The following HK1 variants were observed in gnomAD, a reference collection of about 807,000 sequenced individuals.
HK1 encodes the protein hexokinase 1.
In HK1, 28 loss-of-function variants were observed where a neutral mutation model predicts 91.6. The observed-to-expected ratio is 0.31, with a 90% CI of 0.23 to 0.42. The LOEUF is 0.42. HK1 is among the 10% of genes least tolerant of loss of function. HK1 has a pLI of 1.00. For synonymous variants in HK1, 430 were observed against 468.1 expected, an observed-to-expected ratio of 0.92 and a Z score of 1.05; for missense variants, 770 against 1,219.8, an observed-to-expected ratio of 0.63 and a Z score of 5.49.
chr10:69,399,259 C>T (rs1421677088), intron 17 of HK1, among the ~76,000 whole-genome samples: 1 of 152,158 alleles, frequency 6.6e-6, no homozygotes, highest in African/African-American at 2.4e-5. Context: ...ACCTGTAATC[C>T]AGCACTTTGG....
chr10:69,360,330 T>C (rs1849354918), intron 3 of HK1, among the ~76,000 whole-genome samples: 1 of 152,142 alleles, frequency 6.6e-6, no homozygotes, highest in South Asian at 2.1e-4. Flanking sequence ...CGCAGCTCTG[T>C]TGGGTAAATG....
chr10:69,358,151 A>G (rs1849224173), intron 2 of HK1, among the ~76,000 whole-genome samples: 1 of 152,122 alleles, frequency 6.6e-6, no homozygotes, highest in Admixed American at 6.5e-5. Context: ...GGTGGCCGTC[A>G]CCCCTGGCGT....
chr10:69,303,332 C>T (rs1845967594), intron 5 of HK1, among the ~76,000 whole-genome samples: 1 of 152,044 alleles, frequency 6.6e-6, no homozygotes, highest in African/African-American at 2.4e-5. Context: ...CATGTATTAT[C>T]TACGATTTTT....
chr10:69,346,601 G>A (rs1290321945), intron 2 of HK1, among the ~76,000 whole-genome samples: 4 of 151,520 alleles, frequency 2.6e-5, no homozygotes, highest in Non-Finnish European at 4.4e-5. Flanking sequence ...TGAACTCCTA[G>A]GCTCAGGCGA....
chr10:69,311,683 C>A (rs111385513), upstream of HK1, among the ~76,000 whole-genome samples: 7,291 of 152,186 alleles, frequency 0.048, 343 homozygotes, highest in African/African-American at 0.12. Context: ...GTTGCCCAGG[C>A]TGGAGTGTAG....
chr10:69,346,125 C>T (rs72807705), intron 2 of HK1, among the ~76,000 whole-genome samples: 5,394 of 152,238 alleles, frequency 0.035, 160 homozygotes, highest in African/African-American at 0.075. Flanking sequence ...TGCCTCTTGG[C>T]TCCTTTATCA....
intron 3 of HK1, among the ~76,000 whole-genome samples, chr10:69,291,526 A>G (rs2132463888): frequency 6.6e-6 from 1 of 152,278 alleles, no homozygotes; most frequent in African/African-American, 2.4e-5. Context: ...CAGATGGGGA[A>G]ACTGAGGCTT....
chr10:69,302,401 G>A (rs1218105590), intron 5 of HK1, among the ~76,000 whole-genome samples: 1 of 144,834 alleles, frequency 6.9e-6, no homozygotes, highest in Non-Finnish European at 1.5e-5. Flanking sequence ...TTGAGACAGA[G>A]TCTCACTCTG....
chr10:69,322,963 T>C (rs12262904), intron 1 of HK1, among the ~76,000 whole-genome samples: 9,231 of 142,864 alleles, frequency 0.065, 626 homozygotes, highest in African/African-American at 0.18. Context: ...TTGTGAAAAA[T>C]CTGGCTGGGC....
exon 4 of HK1, chr10:69,295,664 T>C (rs140328471): frequency 6.2e-7 from 1 of 1,605,812 alleles, no homozygotes; most frequent in Admixed American, 1.7e-5. Flanking sequence ...AAACTTCATC[T>C]ACTTGCTGAA....
At chr10:69,334,530 C>G (rs1046595833) in intron 1 of HK1, among the ~76,000 whole-genome samples, 2 of 152,150 alleles carry the variant, frequency 1.3e-5, no homozygotes, top group Admixed American at 6.5e-5. Flanking sequence ...AGGCCGCTGC[C>G]GGGGGAGAAG....
At chr10:69,338,595 G>A (rs75743765) in intron 1 of HK1, 103,762 of 1,289,326 alleles carry the variant, frequency 0.08, 4,807 homozygotes, top group Non-Finnish European at 0.092. Context: ...GGGATTCTTC[G>A]GGCACTGATG....
chr10:69,364,719 A>G (rs1363734004), intron 3 of HK1, 64 bp from the exon 4 acceptor site: 1 of 1,597,232 alleles, frequency 6.3e-7, no homozygotes, highest in Non-Finnish European at 8.6e-7. Flanking sequence ...GGAATGGTTT[A>G]TATTTTTCTA....
intron 1 of HK1, among the ~76,000 whole-genome samples, chr10:69,279,644 A>G (rs1469942287): frequency 6.6e-6 from 1 of 152,212 alleles, no homozygotes; most frequent in Non-Finnish European, 1.5e-5. Flanking sequence ...AGTACCCATA[A>G]CAAGCAATGA....
intron 15 of HK1, among the ~76,000 whole-genome samples, chr10:69,392,585 C>A (rs1839949113): frequency 6.6e-6 from 1 of 152,152 alleles, no homozygotes; most frequent in Non-Finnish European, 1.5e-5. Context: ...CTTCCGGTCC[C>A]CTTGCTGTGT....
intron 2 of HK1, among the ~76,000 whole-genome samples, chr10:69,347,123 C>T (rs1030080519): frequency 6.6e-6 from 1 of 151,898 alleles, no homozygotes; most frequent in Non-Finnish European, 1.5e-5. Flanking sequence ...ATCCTCCTGC[C>T]TTAGCACCCC....
At chr10:69,355,581 G>A (rs1195660723) in intron 2 of HK1, among the ~76,000 whole-genome samples, 8 of 152,156 alleles carry the variant, frequency 5.3e-5, no homozygotes, top group African/African-American at 1.9e-4. Context: ...CCTGAGGTCA[G>A]GAGTTTGAGA....
chr10:69,371,258 A>G (rs1332526861), intron 7 of HK1, among the ~76,000 whole-genome samples: 1 of 152,132 alleles, frequency 6.6e-6, no homozygotes, highest in Non-Finnish European at 1.5e-5. Context: ...CTGTGGTACC[A>G]GCTTGGTGAC....
rs926504128 is a variant in HK1 at position 69,401,667 on chromosome 10, A to G, written c.*532A>G. Reference sequence around the variant, plus strand: ...CCTGGCATCGCATCGTGGTGTGTCAATGCCACAAAATCGTGTGTCCGTGGA... The same window carrying G: ...CCTGGCATCGCATCGTGGTGTGTCAGTGCCACAAAATCGTGTGTCCGTGGA... On this transcript the variant is annotated 3_prime_UTR_variant, in exon 18 of 18. Coordinates refer to ENST00000359426, the MANE Select transcript of HK1 (RefSeq NM_000188.3). 5 of 326,004 alleles carry G rather than the reference A, an allele frequency of 1.5e-5. No individual in the cohort carries two copies. The highest frequency in any genetic ancestry group is 9.9e-5 in the East Asian group (1 of 10,060). 20.2% of individuals were successfully genotyped at this position (326,004 alleles called of 1,614,324 possible). A position where few individuals can be genotyped will look rare whatever the true frequency, so the allele number is the denominator to read the frequency against.
Sources: allele counts gnomAD v4.1 joint callset (sites outside exome capture counted in the v4.1 genomes callset), GRCh38; gene constraint gnomAD v4.1.1; transcripts MANE v1.5; gene names NCBI Gene and HGNC (gene_info 2026-07-23, HGNC 2026-07-21).